The following PRDM5 variants were observed in gnomAD, a reference collection of about 807,000 sequenced individuals.
The protein encoded by PRDM5 is PR/SET domain 5.
A neutral mutation model predicts 81.2 loss-of-function variants in PRDM5; 56 were observed. The ratio of observed to expected loss-of-function variants is 0.69; its 90% CI spans 0.56 to 0.86. The LOEUF is 0.86. Ranked by LOEUF, PRDM5 falls within the 40% of genes least tolerant of loss-of-function variation. The pLI is 0.00. For synonymous variants in PRDM5, 267 were observed against 256.4 expected (o/e 1.04, Z -0.39); for missense variants, 697 against 770.1 (o/e 0.91, Z 1.12).
At chr4:120,698,408 G>C (rs1283729595) in intron 15 of PRDM5, among the ~76,000 whole-genome samples, 1 of 151,924 alleles carries the variant, frequency 6.6e-6, no homozygotes, top group East Asian at 1.9e-4. Flanking sequence ...TTATTTTCCG[G>C]AATAGGCCCT....
At chr4:120,804,020 A>C (rs1373711261) in intron 8 of PRDM5, among the ~76,000 whole-genome samples, 1 of 152,344 alleles carries the variant, frequency 6.6e-6, no homozygotes, top group East Asian at 1.9e-4. Context: ...TCTACCAAGC[A>C]AATGGAAAAC....
chr4:120,751,632 T>C (rs1397835444), intron 14 of PRDM5, among the ~76,000 whole-genome samples: 1 of 152,204 alleles, frequency 6.6e-6, no homozygotes, highest in South Asian at 2.1e-4. Flanking sequence ...ATAAAGAGAA[T>C]ATACTGAAGG....
chr4:120,898,120 C>T (rs1764853883), intron 2 of PRDM5, among the ~76,000 whole-genome samples: 3 of 152,142 alleles, frequency 2.0e-5, no homozygotes, highest in Non-Finnish European at 2.9e-5. Flanking sequence ...TCACCTTAAA[C>T]GCATCAGGGA....
At chr4:120,766,062 C>T (rs1450113241) in intron 13 of PRDM5, among the ~76,000 whole-genome samples, 5 of 151,532 alleles carry the variant, frequency 3.3e-5, no homozygotes, top group East Asian at 1.9e-4. Context: ...TGGGTTCAAG[C>T]GATTCTCCTG....
intron 14 of PRDM5, among the ~76,000 whole-genome samples, chr4:120,750,767 A>G (rs2149141400): frequency 6.6e-6 from 1 of 152,182 alleles, no homozygotes; most frequent in East Asian, 1.9e-4. Context: ...ACACTTGAAA[A>G]GCAAACTCCT....
chr4:120,722,740 G>A (rs1166150731), intron 14 of PRDM5, among the ~76,000 whole-genome samples: 2 of 152,058 alleles, frequency 1.3e-5, no homozygotes, highest in East Asian at 1.9e-4. Flanking sequence ...TAGAGCATGC[G>A]ACCTGGCTGC....
chr4:120,780,590 T>A lies in PRDM5; in HGVS notation c.1443+553A>T, dbSNP rs116569903. Among the ~76,000 whole-genome samples, 457 of 152,240 alleles carry A rather than the reference T, an allele frequency of 3.0e-3. 2 individuals are homozygous for A. Among genetic ancestry groups the A allele is most frequent in the African/African-American group, 0.01 (435 of 41,544 alleles). On this transcript the variant is annotated intron_variant, in intron 12 of 15. Transcript: ENST00000264808. ...CCTTGAGGTAATGACCCAAGTAGCA[T>A]AAGACACACACAAAAAAATCTCCAA... is the stretch of plus-strand genomic sequence containing the variant.
chr4:120,817,002 T>G (rs953586929), intron 5 of PRDM5, 78 bp from the exon 6 acceptor site: 26 of 1,163,264 alleles, frequency 2.2e-5, no homozygotes, highest in Admixed American at 5.3e-5. Context: ...CTACACTAAC[T>G]CTGAATAAAG....
At chr4:120,874,120 C>T (rs986139029) in intron 2 of PRDM5, among the ~76,000 whole-genome samples, 5 of 152,056 alleles carry the variant, frequency 3.3e-5, no homozygotes, top group South Asian at 2.1e-4. Context: ...ATTCAAAATG[C>T]GCCCTTCTAG....
chr4:120,920,990 G>A (rs1724838690), intron 1 of PRDM5, among the ~76,000 whole-genome samples: 2 of 152,072 alleles, frequency 1.3e-5, no homozygotes, highest in Admixed American at 1.3e-4. Context: ...AAAGTAGGTT[G>A]GCCAGCTGTT....
intron 1 of PRDM5, among the ~76,000 whole-genome samples, chr4:120,917,873 G>T (rs1724392617): frequency 6.6e-6 from 1 of 152,064 alleles, no homozygotes; most frequent in Non-Finnish European, 1.5e-5. Flanking sequence ...CATTTTTAAG[G>T]AAAAGTGTAT....
At chr4:120,773,241 T>C (rs1212385711) in intron 13 of PRDM5, among the ~76,000 whole-genome samples, 1 of 152,126 alleles carries the variant, frequency 6.6e-6, no homozygotes, top group African/African-American at 2.4e-5. Flanking sequence ...TTGTGAACAT[T>C]TGTTCTTTGC....
chr4:120,754,660 A>C (rs758229105), intron 13 of PRDM5, 22 bp from the exon 14 acceptor site: 1 of 1,513,114 alleles, frequency 6.6e-7, no homozygotes, highest in African/African-American at 1.4e-5. Context: ...GGAAGCCTCC[A>C]TGTCAGAAAA....
chr4:120,841,255 C>G (rs1030423180), intron 3 of PRDM5, among the ~76,000 whole-genome samples: 2 of 152,128 alleles, frequency 1.3e-5, no homozygotes, highest in African/African-American at 4.8e-5. Flanking sequence ...ACATTGAGTA[C>G]AGTATATAAA....
chr4:120,875,617 C>A (rs1762264424), intron 2 of PRDM5, among the ~76,000 whole-genome samples: 2 of 152,238 alleles, frequency 1.3e-5, no homozygotes, highest in African/African-American at 4.8e-5. Context: ...CAAGCCAAAG[C>A]TAGATTTCTG....
chr4:120,805,955 C>G (rs1279325911), intron 8 of PRDM5, among the ~76,000 whole-genome samples: 2 of 152,156 alleles, frequency 1.3e-5, no homozygotes, highest in Admixed American at 1.3e-4. Flanking sequence ...AAAACCCCAT[C>G]ATCTCAGTCC....
intron 13 of PRDM5, 105 bp from the exon 14 acceptor site, chr4:120,754,743 G>T: frequency 1.2e-6 from 1 of 805,906 alleles, no homozygotes; most frequent in Non-Finnish European, 2.1e-6. Context: ...CATATGCCCT[G>T]TGCTACTTCA....
intron 14 of PRDM5, among the ~76,000 whole-genome samples, chr4:120,711,171 G>A (rs1290578530): frequency 6.6e-6 from 1 of 152,200 alleles, no homozygotes; most frequent in Non-Finnish European, 1.5e-5. Flanking sequence ...GAAAGTTTGA[G>A]AACCCTTGAT....
chr4:120,897,062 G>A (rs1264084367), intron 2 of PRDM5: 1 of 151,344 alleles, frequency 6.6e-6, no homozygotes, highest in Non-Finnish European at 1.5e-5. Context: ...AGATCTGGAG[G>A]TGGTCTTAGT....
Sources: gnomAD v4.1 joint callset for allele counts (sites outside exome capture counted in the v4.1 genomes callset) on GRCh38, gnomAD v4.1.1 for gene constraint, MANE v1.5 for transcripts, NCBI Gene and HGNC (gene_info 2026-07-23, HGNC 2026-07-21) for gene names.